The following DHRSX variants were observed in gnomAD, a reference collection of about 807,000 sequenced individuals.
DHRSX encodes the protein polyprenol dehydrogenase.
DHRSX carries 31 observed loss-of-function variants against 34.0 expected under a neutral mutation model. The ratio of observed to expected loss-of-function variants is 0.91; its 90% CI spans 0.69 to 1.23. The LOEUF is 1.23. Ranked by LOEUF, DHRSX falls within the 50% of genes most tolerant of loss-of-function variation. DHRSX has a pLI of 0.00. For missense variants in DHRSX, 414 were observed against 428.1 expected (o/e 0.97, Z 0.29); for synonymous variants, 201 against 183.8 (o/e 1.09, Z -0.76).
intron 2 of DHRSX, among the ~76,000 whole-genome samples, chrX:2,409,370 AC>A (rs1482816298): frequency 2.0e-5 from 3 of 152,120 alleles, no homozygotes; most frequent in Admixed American, 2.0e-4. Flanking sequence ...AGTTTGCTGC[AC>A]CCATCAACCC....
At chrX:2,414,695 G>A (rs894719361) in intron 2 of DHRSX, among the ~76,000 whole-genome samples, 4 of 148,422 alleles carry the variant, frequency 2.7e-5, no homozygotes, top group Non-Finnish European at 6.0e-5. Flanking sequence ...CCCATCATGA[G>A]CAACACAACT....
intron 3 of DHRSX, among the ~76,000 whole-genome samples, chrX:2,359,024 G>C (rs760801407): frequency 1.4e-4 from 21 of 150,878 alleles, no homozygotes; most frequent in African/African-American, 4.9e-4. Flanking sequence ...GCTCATTAGA[G>C]ACACGCAAAT....
At chrX:2,282,375 GGA>G (rs1312996051) in intron 4 of DHRSX, among the ~76,000 whole-genome samples, 1 of 142,596 alleles carries the variant, frequency 7.0e-6, no homozygotes, top group Non-Finnish European at 1.6e-5. Context: ...GGAAATAAGG[GGA>G]GAGACAGAGA....
At chrX:2,242,424 T>C (rs1432180743) in intron 6 of DHRSX, among the ~76,000 whole-genome samples, 1 of 151,968 alleles carries the variant, frequency 6.6e-6, no homozygotes, top group Non-Finnish European at 1.5e-5. Flanking sequence ...CTGGAAGTGG[T>C]TGTGTCAGAG....
chrX:2,325,963 C>T (rs1311178017), intron 3 of DHRSX, among the ~76,000 whole-genome samples: 1 of 152,214 alleles, frequency 6.6e-6, no homozygotes, highest in African/African-American at 2.4e-5. Context: ...GACAACGTAG[C>T]CACTTCACTA....
At chrX:2,464,479 C>A (rs1201924309) in intron 1 of DHRSX, among the ~76,000 whole-genome samples, 1 of 89,364 alleles carries the variant, frequency 1.1e-5, no homozygotes, top group Non-Finnish European at 2.5e-5. Flanking sequence ...AAGACGCTCC[C>A]TAAGAATGCG....
intron 2 of DHRSX, among the ~76,000 whole-genome samples, chrX:2,418,682 T>C (rs2043729052): frequency 6.6e-6 from 1 of 152,188 alleles, no homozygotes; most frequent in Non-Finnish European, 1.5e-5. Context: ...CCACCATCAT[T>C]GAAGCCACTA....
chrX:2,314,664 G>C (rs1482592529), intron 3 of DHRSX, among the ~76,000 whole-genome samples: 1 of 151,968 alleles, frequency 6.6e-6, no homozygotes, highest in South Asian at 2.1e-4. Flanking sequence ...ACATTGGAAA[G>C]TAAGTTACGA....
At chrX:2,450,226 T>C (rs2044197620) in intron 1 of DHRSX, among the ~76,000 whole-genome samples, 1 of 152,166 alleles carries the variant, frequency 6.6e-6, no homozygotes, top group Non-Finnish European at 1.5e-5. Flanking sequence ...AAGGCCCACT[T>C]GTCAAGAACA....
chrX:2,283,233 G>C (rs896836032), intron 4 of DHRSX, among the ~76,000 whole-genome samples: 2 of 151,986 alleles, frequency 1.3e-5, no homozygotes, highest in Non-Finnish European at 2.9e-5. Flanking sequence ...GCCTGCCGCA[G>C]AGTCACAACA....
intron 5 of DHRSX, among the ~76,000 whole-genome samples, chrX:2,249,767 G>A (rs897490528): frequency 8.6e-5 from 13 of 151,688 alleles, no homozygotes; most frequent in East Asian, 2.0e-4. Context: ...CAAGTGAACC[G>A]CCCGCCTTGG....
At chrX:2,298,950 A>T (rs182630298) in intron 3 of DHRSX, among the ~76,000 whole-genome samples, 11,262 of 138,556 alleles carry the variant, frequency 0.081, 1,457 homozygotes, top group African/African-American at 0.29. Flanking sequence ...GTGCCATTGC[A>T]CTCCAGCCTG....
chrX:2,389,102 A>C (rs1238266552), intron 3 of DHRSX, among the ~76,000 whole-genome samples: 1 of 152,198 alleles, frequency 6.6e-6, no homozygotes, highest in East Asian at 1.9e-4. Flanking sequence ...AGACGAATAC[A>C]CGGACCAGAG....
chrX:2,252,966 G>A (rs956706300), intron 5 of DHRSX, among the ~76,000 whole-genome samples: 60 of 152,266 alleles, frequency 3.9e-4, no homozygotes, highest in Middle Eastern at 6.8e-3. Context: ...CAGGCAGGTC[G>A]CTTGAGCCCA....
chrX:2,225,066 C>T (rs1343267969), intron 6 of DHRSX, among the ~76,000 whole-genome samples: 9 of 150,176 alleles, frequency 6.0e-5, no homozygotes, highest in African/African-American at 2.0e-4. Context: ...TACATATTCA[C>T]ATGCACTCAC....
At chrX:2,231,830 TCTC>T (rs1164380392) in intron 6 of DHRSX, among the ~76,000 whole-genome samples, 8 of 145,466 alleles carry the variant, frequency 5.5e-5, no homozygotes, top group South Asian at 4.4e-4. Flanking sequence ...TTCCTTTCTT[TCTC>T]CTCTTTCTCA....
chrX:2,243,218 T>G lies in DHRSX; in HGVS notation c.609A>C (p.Ser203=), dbSNP rs140923685. The G allele has an allele frequency of 1.9e-6, 3 of 1,613,482 alleles. No individual in the cohort carries two copies. The highest frequency in any genetic ancestry group is 2.5e-6 in the Non-Finnish European group (3 of 1,179,812). The change falls in exon 6 of 7, where the codon TCA becomes TCC. Residue 203 remains serine (S), a synonymous_variant. Coordinates refer to ENST00000334651, the MANE Select transcript of DHRSX (RefSeq NM_145177.3). ...MDDLQSSACY[S]PHAAYAQSKL... is the part of the protein sequence containing the mutation. ...TGCTCTGGGCGTAGGCTGCGTGGGG[T>G]GAGTAGCAGGCACTGTGGGGCAAGC...
At chrX:2,244,897 A>C (rs972122590) in intron 5 of DHRSX, among the ~76,000 whole-genome samples, 1 of 151,784 alleles carries the variant, frequency 6.6e-6, no homozygotes, top group African/African-American at 2.4e-5. Flanking sequence ...TTTTTAGTAG[A>C]GACGAGGTTT....
rs1405215311 is a variant in DHRSX at position 2,319,522 on chromosome X, G to A, written c.287-27919C>T. Reference sequence around the variant, plus strand: ...CGTGCCACTGCACTCCAGCCTCGGTGACAGAGTGAGACTCCATCTCAAAAA... The same window carrying A: ...CGTGCCACTGCACTCCAGCCTCGGTAACAGAGTGAGACTCCATCTCAAAAA... On this transcript the variant is annotated intron_variant, in intron 3 of 6. Coordinates refer to ENST00000334651, the MANE Select transcript of DHRSX (RefSeq NM_145177.3). Among the ~76,000 whole-genome samples the A allele has an allele frequency of 4.0e-5, 5 of 123,516 alleles. No individual in the cohort carries two copies. In the Admixed American group the frequency reaches 4.8e-4, roughly 12 times the overall value. 81.0% of individuals were successfully genotyped at this position (123,516 alleles called of 152,430 possible).
Sources: allele counts gnomAD v4.1 joint callset (sites outside exome capture counted in the v4.1 genomes callset), GRCh38; gene constraint gnomAD v4.1.1; transcripts MANE v1.5; gene names NCBI Gene and HGNC (gene_info 2026-07-23, HGNC 2026-07-21).